Variants in NXPE4 observed in about 807,000 individuals in gnomAD.
NXPE4 encodes the protein neurexophilin and PC-esterase domain family member 4.
A neutral mutation model predicts 33.3 loss-of-function variants in NXPE4; 42 were observed. That is an observed-to-expected ratio of 1.26 (90% CI 0.98 to 1.63). The LOEUF (loss-of-function observed/expected upper bound fraction) is 1.63. NXPE4 is among the 40% of genes most tolerant of loss of function. The pLI, the probability that NXPE4 is intolerant of heterozygous loss-of-function variation, is 0.00. For missense variants in NXPE4, 709 were observed against 647.6 expected (o/e 1.09, Z -1.03); for synonymous variants, 253 against 234.9 (o/e 1.08, Z -0.71).
At chr11:114,626,104 C>A in the NXPE4 span, among the ~76,000 whole-genome samples, 1 of 152,090 alleles carries the variant, frequency 6.6e-6, no homozygotes, top group Admixed American at 6.5e-5. Flanking sequence ...GGGAGAGGGG[C>A]GCCCGCCATT....
At chr11:114,575,545 C>T (rs182949411) in intron 5 of NXPE4, among the ~76,000 whole-genome samples, 6 of 152,070 alleles carry the variant, frequency 3.9e-5, no homozygotes, top group Non-Finnish European at 7.4e-5. Context: ...TATACACCAA[C>T]AGCAACCAAG....
At chr11:114,611,283 T>C in the NXPE4 span, among the ~76,000 whole-genome samples, 1 of 151,646 alleles carries the variant, frequency 6.6e-6, no homozygotes, top group Non-Finnish European at 1.5e-5. Flanking sequence ...ACCCTGTCGA[T>C]AATAAGTGTT....
At position 114,582,380 on chromosome 11, in the gene NXPE4, A is replaced by C. The variant is rs1157011670; in HGVS notation, c.738T>G (p.Pro246=). The part of the protein sequence containing the change: ...RDQEGFYCVR[P]QHMPCAALTH... The stretch of plus-strand genomic sequence containing the variant: ...TGAGTGCAGCACAGGGCATGTGTTG[A>C]GGCCTCACACAGTAGAAGCCTTCTT... The change falls in exon 3 of 6, where the codon CCT becomes CCG. Residue 246 remains proline (P), a synonymous_variant. Transcript: ENST00000375478. The C allele has an allele frequency of 1.4e-5, 22 of 1,614,072 alleles. No homozygotes were observed. The highest frequency in any genetic ancestry group is 1.8e-5 in the Non-Finnish European group (21 of 1,180,020).
intron 2 of NXPE4, chr11:114,584,659 G>A: frequency 6.4e-6 from 1 of 156,726 alleles, no homozygotes; most frequent in Non-Finnish European, 1.4e-5. Context: ...GGAGAAGCCA[G>A]GAGCCAAAGA....
chr11:114,642,456 A>AT, the NXPE4 span, among the ~76,000 whole-genome samples: 6 of 151,448 alleles, frequency 4.0e-5, no homozygotes, highest in Non-Finnish European at 1.5e-5. Context: ...CAGGTGTGTG[A>AT]TTTTCCCCTC....
chr11:114,639,746 TAA>T, the NXPE4 span, among the ~76,000 whole-genome samples: 4 of 129,010 alleles, frequency 3.1e-5, no homozygotes, highest in African/African-American at 1.2e-4. Flanking sequence ...AAATAATATA[TAA>T]TATATATTAT....
chr11:114,580,859 A>T (rs936487880), intron 4 of NXPE4, among the ~76,000 whole-genome samples: 1 of 152,226 alleles, frequency 6.6e-6, no homozygotes, highest in African/African-American at 2.4e-5. Flanking sequence ...TTAGAGGTCC[A>T]AGATGGGCCA....
chr11:114,622,282 T>G, the NXPE4 span, among the ~76,000 whole-genome samples: 2 of 151,766 alleles, frequency 1.3e-5, no homozygotes, highest in Admixed American at 1.3e-4. Context: ...GTAATCACTG[T>G]TACCTGCTGG....
At chr11:114,638,712 T>C in the NXPE4 span, among the ~76,000 whole-genome samples, 1 of 151,836 alleles carries the variant, frequency 6.6e-6, no homozygotes, top group South Asian at 2.1e-4. Flanking sequence ...GGTCTGTTGG[T>C]GTTTGCTAGA....
chr11:114,654,692 T>C, the NXPE4 span, among the ~76,000 whole-genome samples: 2 of 152,202 alleles, frequency 1.3e-5, no homozygotes, highest in Non-Finnish European at 2.9e-5. Context: ...GGTGTATATA[T>C]ACCATATTTT....
At chr11:114,617,602 A>G in the NXPE4 span, among the ~76,000 whole-genome samples, 1 of 152,022 alleles carries the variant, frequency 6.6e-6, no homozygotes, top group Non-Finnish European at 1.5e-5. Context: ...GGTGCATAAT[A>G]AGTGTTGCCT....
At chr11:114,607,721 C>T in the NXPE4 span, among the ~76,000 whole-genome samples, 1 of 151,988 alleles carries the variant, frequency 6.6e-6, no homozygotes, top group Non-Finnish European at 1.5e-5. Context: ...TAATTGTTGC[C>T]TCGTGGGTAA....
At position 114,570,917 on chromosome 11, in the gene NXPE4, A is replaced by G. The variant is rs508631; in HGVS notation, c.*21T>C. 16,673 of 1,519,512 alleles carry G rather than the reference A, an allele frequency of 0.011. 118 individuals are homozygous for G. Among genetic ancestry groups the G allele is most frequent in the Middle Eastern group, 0.015 (65 of 4,204 alleles). The allele number at this position is 1,519,512 out of a possible 1,614,324, so 94.1% of individuals were successfully genotyped here. A position where few individuals can be genotyped will look rare whatever the true frequency, so the allele number is the denominator to read the frequency against. On this transcript the variant is annotated 3_prime_UTR_variant, in exon 6 of 6. Transcript: ENST00000375478. ...ATAAATTTTTTTACTTAAGTGAATG[A>G]ATTTCAGACTTTTGTGTTATTTAAC... is the stretch of plus-strand genomic sequence containing the variant.
At chr11:114,572,350 T>C (rs1268605656) in intron 5 of NXPE4, among the ~76,000 whole-genome samples, 2 of 152,054 alleles carry the variant, frequency 1.3e-5, no homozygotes, top group Non-Finnish European at 2.9e-5. Context: ...TCACCACCAA[T>C]GGATCTAAAC....
At chr11:114,631,819 C>A in the NXPE4 span, among the ~76,000 whole-genome samples, 1 of 151,506 alleles carries the variant, frequency 6.6e-6, no homozygotes, top group Non-Finnish European at 1.5e-5. Context: ...AGTATTGCCT[C>A]ATGGGTAACC....
At chr11:114,597,636 G>T (rs529921861), upstream of NXPE4, among the ~76,000 whole-genome samples, 1 of 152,164 alleles carries the variant, frequency 6.6e-6, no homozygotes, top group East Asian at 1.9e-4. Flanking sequence ...CTCCAGTAAA[G>T]GGAGCCAGAA....
intron 2 of NXPE4, chr11:114,583,556 G>A: frequency 1.7e-6 from 1 of 597,346 alleles, no homozygotes; most frequent in Non-Finnish European, 3.3e-6. Flanking sequence ...GGACTGTCCA[G>A]CATTTGATGG....
At chr11:114,603,494 C>A in the NXPE4 span, among the ~76,000 whole-genome samples, 2 of 151,136 alleles carry the variant, frequency 1.3e-5, no homozygotes, top group African/African-American at 4.9e-5. Flanking sequence ...TAGGTAACTC[C>A]TATTACCTGG....
At chr11:114,575,603 T>C (rs943779406) in intron 5 of NXPE4, among the ~76,000 whole-genome samples, 1 of 150,258 alleles carries the variant, frequency 6.7e-6, no homozygotes, top group African/African-American at 2.4e-5. Flanking sequence ...AGCTGTAAAA[T>C]AAAATAAAAT....
Sources: allele counts gnomAD v4.1 joint callset (sites outside exome capture counted in the v4.1 genomes callset), GRCh38; gene constraint gnomAD v4.1.1; transcripts MANE v1.5; gene names NCBI Gene and HGNC (gene_info 2026-07-23, HGNC 2026-07-21).